POMT2: variants seen among roughly 807,000 people sequenced by gnomAD.
POMT2 encodes protein O-mannosyltransferase 2, also known as protein O-mannosyl-transferase 2.
POMT2 carries 75 observed loss-of-function variants against 100.0 expected under a neutral mutation model. The ratio of observed to expected loss-of-function variants is 0.75; its 90% confidence interval spans 0.62 to 0.91. The LOEUF is 0.91. Ranked by LOEUF, POMT2 falls within the 40% of genes least tolerant of loss-of-function variation. The pLI is 0.00. For synonymous variants in POMT2, 378 were observed against 374.1 expected, an observed-to-expected ratio of 1.01 and a Z score of -0.12; for missense variants, 940 against 955.1, an observed-to-expected ratio of 0.98 and a Z score of 0.21.
At chr14:77,312,366 G>C (rs576700203) in intron 1 of POMT2, 2 of 266,320 alleles carry the variant, frequency 7.5e-6, no homozygotes, top group African/African-American at 4.6e-5. Context: ...AAGGTTTGTA[G>C]TAAGAGTTTT....
intron 1 of POMT2, among the ~76,000 whole-genome samples, chr14:77,314,200 T>C (rs1891543030): frequency 6.6e-6 from 1 of 152,174 alleles, no homozygotes; most frequent in African/African-American, 2.4e-5. Flanking sequence ...AGTGTCTCCC[T>C]CTGAGACAGA....
At position 77,277,394 on chromosome 14, in the gene POMT2, C is replaced by T. The variant is rs761326793; in HGVS notation, c.2235G>A (p.Leu745=). Residue 745 remains leucine, a synonymous_variant, in exon 21 of 21, where the codon CTG becomes CTA. Transcript: ENST00000261534. ...PQSPMAGLRW[L]DSWDF ...AGTGGCCTCAAAAGTCCCATGAGTC[C>T]AGCCACCTTAGTCCTGCCATTGGAC... 22 of 1,613,514 alleles carry T rather than the reference C, an allele frequency of 1.4e-5. No homozygotes were observed. The South Asian group carries it at 1.6e-4, about 12-fold the overall frequency.
At chr14:77,316,255 G>A (rs145698239) in intron 1 of POMT2, among the ~76,000 whole-genome samples, 1 of 152,298 alleles carries the variant, frequency 6.6e-6, no homozygotes, top group Non-Finnish European at 1.5e-5. Flanking sequence ...CTGATAACAA[G>A]GGAAGGGTTT....
At chr14:77,288,674 C>G in intron 11 of POMT2, 88 bp downstream of exon 11, 1 of 1,186,012 alleles carries the variant, frequency 8.4e-7, no homozygotes, top group Non-Finnish European at 1.2e-6. Context: ...AGAGCCTCAT[C>G]AAAATCTAAC....
intron 9 of POMT2, among the ~76,000 whole-genome samples, chr14:77,293,699 T>C (rs760234724): frequency 1.6e-4 from 24 of 152,338 alleles, no homozygotes; most frequent in South Asian, 1.2e-3. Flanking sequence ...GGCTAAAAGA[T>C]CTGGTCAATG....
chr14:77,284,587 T>TG (rs975611963), intron 14 of POMT2, among the ~76,000 whole-genome samples: 6 of 147,934 alleles, frequency 4.1e-5, no homozygotes, highest in African/African-American at 7.5e-5. Flanking sequence ...GCTGGATATG[T>TG]GGGGGGGCGG....
In POMT2 at chr14:77,320,428, A is replaced by G. The variant is rs777522318; in HGVS notation, c.248+6T>C. The G allele has an allele frequency of 3.2e-6, 5 of 1,545,880 alleles. No individual in the cohort carries two copies. The highest frequency in any genetic ancestry group is 3.3e-4 in the Middle Eastern group (2 of 5,992). On this transcript the variant is annotated splice_donor_region_variant and intron_variant, in intron 1 of 20. Coordinates refer to ENST00000261534, the MANE Select transcript of POMT2 (RefSeq NM_013382.7). ...TGGTGCCCGCCGAGTCCCTCCCATCACTCACCAGATGTGCGGCGGCTCGTC... is the reference window on the plus strand; with the variant it reads ...TGGTGCCCGCCGAGTCCCTCCCATCGCTCACCAGATGTGCGGCGGCTCGTC...
chr14:77,306,577 A>G (rs908358233), intron 2 of POMT2, 136 bp from the exon 3 acceptor site: 39 of 941,044 alleles, frequency 4.1e-5, no homozygotes, highest in Non-Finnish European at 5.7e-5. Flanking sequence ...TGCCAATGCA[A>G]CATTTTCTCC....
At position 77,320,660 on chromosome 14, in the gene POMT2, C is replaced by T. The variant is rs776032120; in HGVS notation, c.22G>A (p.Gly8Ser). The T allele has an allele frequency of 1.1e-5, 18 of 1,593,754 alleles. No individual in the cohort carries two copies. The highest frequency in any genetic ancestry group is 1.3e-5 in the African/African-American group (1 of 74,724). Residue 8 changes from glycine to serine, a missense_variant, in exon 1 of 21, where the codon GGC becomes AGC. By Grantham distance (56) the Gly-to-Ser change is moderately conservative. Coordinates refer to ENST00000261534, the MANE Select transcript of POMT2 (RefSeq NM_013382.7). ...GGACGCAGCTCGGACTCTGCCAGGC[C>T]TCCGCCCGTGGCCGGCGGCATCTTC... MPPATGG[G>S]LAESELRPRR...
rs1459748159 is a variant in POMT2, at chr14:77,276,470, A to C, written c.*906T>G. The C allele has an allele frequency of 6.6e-6, 1 of 152,590 alleles. No individual in the cohort carries two copies. Among genetic ancestry groups the C allele is most frequent in the East Asian group, 1.9e-4 (1 of 5,200 alleles). The allele number at this position is 152,590 out of a possible 1,614,324, so 9.5% of individuals were successfully genotyped here. ...CTGTCTCTCATCTACCTTGGGCGCT[A>C]AGCAAGGTTCCCATGGGCTCTCCCA... On this transcript the variant is annotated 3_prime_UTR_variant, in exon 21 of 21. Coordinates refer to ENST00000261534, the MANE Select transcript of POMT2 (RefSeq NM_013382.7).
rs1161029299 is a variant in POMT2, at chr14:77,299,573, G to A, written c.817-12C>T. On this transcript the variant is annotated splice_polypyrimidine_tract_variant and intron_variant, in intron 6 of 20. Transcript: ENST00000261534. ...TTTCCCACAGTCACCTGCAAACAGA[G>A]GCCAGCGTGGGGTGCTAGGCATGTG... 3 of 1,608,264 alleles carry A rather than the reference G, an allele frequency of 1.9e-6. No individual in the cohort carries two copies. The East Asian group carries it at 6.7e-5, about 36-fold the overall frequency.
In POMT2 at chr14:77,278,459, T is replaced by G; in HGVS notation, c.2082A>C (p.Ser694=). 1 of 1,507,180 alleles carries G rather than the reference T, an allele frequency of 6.6e-7. No individual in the cohort carries two copies. Among genetic ancestry groups the G allele is most frequent in the East Asian group, 2.4e-5 (1 of 40,896 alleles). 93.4% of individuals were successfully genotyped at this position (1,507,180 alleles called of 1,614,324 possible). ...CATGTATGCCCCTCGCCAGGGGCCA[T>G]GAGGCCAAGCCCCAGGCACAGAGCC... ...LLRLCAWGLA[S]WPLARGIHVA... Residue 694 remains serine (S), a synonymous_variant, in exon 20 of 21, where the codon TCA becomes TCC. Transcript: ENST00000261534.
chr14:77,289,881 C>A (rs1426661750), intron 10 of POMT2, among the ~76,000 whole-genome samples: 1 of 152,188 alleles, frequency 6.6e-6, no homozygotes, highest in African/African-American at 2.4e-5. Context: ...CTGTCCCAAA[C>A]AGTGAGATAC....
intron 4 of POMT2, among the ~76,000 whole-genome samples, chr14:77,303,184 G>C (rs556194648): frequency 3.9e-5 from 6 of 152,146 alleles, no homozygotes; most frequent in African/African-American, 1.4e-4. Context: ...CAACCCAAGA[G>C]AGGATCATGT....
At chr14:77,294,077 A>C (rs1346641983) in intron 9 of POMT2, among the ~76,000 whole-genome samples, 2 of 152,236 alleles carry the variant, frequency 1.3e-5, no homozygotes, top group Non-Finnish European at 2.9e-5. Context: ...TCCAGGCATC[A>C]GAATTTTTAA....
rs3217186 is a variant in POMT2, at chr14:77,302,692, T to TA, written c.656+142dup. The TA allele has an allele frequency of 0.4, 281,243 of 700,794 alleles. 60,983 individuals carry two copies. Among genetic ancestry groups the TA allele is most frequent in the East Asian group, 0.72 (26,428 of 36,754 alleles). 43.4% of individuals were successfully genotyped at this position (700,794 alleles called of 1,614,324 possible). ...ATGATCTAAAATGGACAATCTAAGT[T>TA]AAAAAAACAAACAAAAAGTATGCTT... is the stretch of plus-strand genomic sequence containing the variant. On this transcript the variant is annotated intron_variant, in intron 5 of 20. Transcript: ENST00000261534.
intron 5 of POMT2, among the ~76,000 whole-genome samples, chr14:77,301,475 G>A (rs554872223): frequency 2.0e-5 from 3 of 152,284 alleles, no homozygotes; most frequent in Admixed American, 6.5e-5. Context: ...ATTCTTCAGG[G>A]GAGAGTGTCC....
At chr14:77,297,991 A>G (rs1278765307) in intron 8 of POMT2, among the ~76,000 whole-genome samples, 1 of 152,186 alleles carries the variant, frequency 6.6e-6, no homozygotes, top group Non-Finnish European at 1.5e-5. Context: ...AAACCCTCAT[A>G]GTCTGGGCCC....
intron 5 of POMT2, among the ~76,000 whole-genome samples, chr14:77,301,741 TA>T (rs1444232159): frequency 2.0e-5 from 3 of 152,200 alleles, no homozygotes; most frequent in Admixed American, 2.0e-4. Context: ...ATCCTGTCAC[TA>T]GGTCCTCTTT....
Sources: gnomAD v4.1 joint callset for allele counts (sites outside exome capture counted in the v4.1 genomes callset) on GRCh38, gnomAD v4.1.1 for gene constraint, MANE v1.5 for transcripts, NCBI Gene and HGNC (gene_info 2026-07-23, HGNC 2026-07-21) for gene names.